The following CCDC18 variants were observed in gnomAD, a reference collection of about 807,000 sequenced individuals.
The protein encoded by CCDC18 is coiled-coil domain containing 18.
A neutral mutation model predicts 196.0 loss-of-function variants in CCDC18; 157 were observed. The ratio of observed to expected loss-of-function variants is 0.80; its 90% CI spans 0.70 to 0.91. The LOEUF (loss-of-function observed/expected upper bound fraction) is 0.91, where lower values mean the gene tolerates loss of function less well. CCDC18 is among the 40% of genes least tolerant of loss of function. The pLI is 0.00. For missense variants in CCDC18, 1,465 were observed against 1,611.6 expected (o/e 0.91, Z 1.56); for synonymous variants, 482 against 529.2 (o/e 0.91, Z 1.22).
chr1:93,210,775 T>A (rs896254562), intron 9 of CCDC18, 27 bp from the exon 10 acceptor site: 1 of 1,539,066 alleles, frequency 6.5e-7, no homozygotes. Flanking sequence ...TACATAAGTT[T>A]ACATATGTTT....
intron 21 of CCDC18, 132 bp from the exon 22 acceptor site, chr1:93,245,973 C>T: frequency 1.1e-5 from 5 of 462,362 alleles, no homozygotes; most frequent in South Asian, 1.2e-4. Context: ...TAAATTTGAC[C>T]CTTTCAATCT....
chr1:93,223,819 G>T (rs535487601), intron 16 of CCDC18, among the ~76,000 whole-genome samples: 4 of 151,610 alleles, frequency 2.6e-5, no homozygotes, highest in Middle Eastern at 3.4e-3. Context: ...GCCCTATCTG[G>T]TTGTCTCCAG....
Position 93,278,463 on chromosome 1 carries a change from G to T in CCDC18, c.4354G>T (p.Gly1452Ter). The change falls in exon 29 of 29, where the codon GGA becomes TGA. Residue 1452 changes from glycine to a stop codon, truncating the protein, a stop_gained and splice_region_variant. Coordinates refer to ENST00000690025, the MANE Select transcript of CCDC18 (RefSeq NM_001378204.1). LOFTEE classifies it high-confidence loss of function. The stretch of plus-strand genomic sequence containing the variant: ...AATCTATTATTTTGCATTATTCTAG[G>T]GAGAAAATGTGTAATTCAAAGAAGA... ...SMQTGAGLNQ[G>*]ENV 8.0e-7 allele frequency: 1 copy of T among 1,243,342 alleles called. No individual in the cohort carries two copies. The highest frequency in any genetic ancestry group is 1.1e-6 in the Non-Finnish European group (1 of 911,838). 77.0% of individuals were successfully genotyped at this position (1,243,342 alleles called of 1,614,324 possible).
chr1:93,217,294 G>A (rs1290120560), intron 13 of CCDC18, among the ~76,000 whole-genome samples: 1 of 151,858 alleles, frequency 6.6e-6, no homozygotes, highest in Non-Finnish European at 1.5e-5. Flanking sequence ...TATGCTTCTT[G>A]ATATTTAAAA....
upstream of CCDC18, chr1:93,180,599 A>G (rs766506162): frequency 7.3e-7 from 1 of 1,368,078 alleles, no homozygotes; most frequent in South Asian, 1.2e-5. Flanking sequence ...GGGCTCCGCT[A>G]GTGGGCTCGG....
chr1:93,228,136 C>G (rs1383317060), intron 17 of CCDC18, among the ~76,000 whole-genome samples: 1 of 151,864 alleles, frequency 6.6e-6, no homozygotes, highest in East Asian at 1.9e-4. Flanking sequence ...AGAAGCCAAA[C>G]AGTATACCAC....
At chr1:93,186,321 A>G in intron 3 of CCDC18, 24 bp from the exon 4 acceptor site, 1 of 1,595,552 alleles carries the variant, frequency 6.3e-7, no homozygotes, top group Non-Finnish European at 8.6e-7. Context: ...TTGAAAATAT[A>G]TTTGTTCTTT....
intron 11 of CCDC18, among the ~76,000 whole-genome samples, chr1:93,214,096 C>G (rs1209872721): frequency 6.6e-6 from 1 of 151,994 alleles, no homozygotes; most frequent in African/African-American, 2.4e-5. Context: ...CTCTGATAAC[C>G]CTCAGTAATT....
chr1:93,241,723 CA>C (rs35810581), intron 21 of CCDC18, among the ~76,000 whole-genome samples: 508 of 59,884 alleles, frequency 8.5e-3, no homozygotes, highest in Non-Finnish European at 0.012. Flanking sequence ...GACTCCATCT[CA>C]AAAAAAAAAA....
chr1:93,213,878 G>A (rs151026989), intron 11 of CCDC18, among the ~76,000 whole-genome samples: 81 of 152,286 alleles, frequency 5.3e-4, no homozygotes, highest in African/African-American at 1.7e-3. Context: ...AAATAGCCTA[G>A]AAAGTGAAAT....
intron 17 of CCDC18, among the ~76,000 whole-genome samples, chr1:93,227,957 CAAAAA>C (rs71586784): frequency 9.5e-6 from 1 of 105,170 alleles, no homozygotes. Context: ...GACCCTATCT[CAAAAA>C]AAAAAAAAAA....
At chr1:93,225,382 G>A (rs1239142689) in intron 16 of CCDC18, among the ~76,000 whole-genome samples, 1 of 152,150 alleles carries the variant, frequency 6.6e-6, no homozygotes, top group South Asian at 2.1e-4. Context: ...TTAAATTGCT[G>A]CCTTTCTGAA....
At chr1:93,182,694 T>G (rs1649937382) in intron 1 of CCDC18, among the ~76,000 whole-genome samples, 1 of 152,228 alleles carries the variant, frequency 6.6e-6, no homozygotes, top group Non-Finnish European at 1.5e-5. Context: ...TTCATTTCTA[T>G]GAGTTGACCT....
At chr1:93,186,815 C>T (rs936057449) in intron 4 of CCDC18, among the ~76,000 whole-genome samples, 7 of 151,942 alleles carry the variant, frequency 4.6e-5, no homozygotes, top group African/African-American at 1.7e-4. Context: ...TAAAATAACA[C>T]ATTGTCATTG....
At chr1:93,189,623 G>C (rs993523067) in intron 4 of CCDC18, among the ~76,000 whole-genome samples, 2 of 152,006 alleles carry the variant, frequency 1.3e-5, no homozygotes, top group Non-Finnish European at 2.9e-5. Context: ...CCACATTCAT[G>C]CAAACATTTG....
intron 12 of CCDC18, among the ~76,000 whole-genome samples, chr1:93,215,722 C>T (rs1424412623): frequency 6.6e-6 from 1 of 152,134 alleles, no homozygotes; most frequent in Admixed American, 6.5e-5. Flanking sequence ...TCCCAAAATG[C>T]TGGGATTACT....
intron 7 of CCDC18, among the ~76,000 whole-genome samples, chr1:93,204,883 T>C (rs1428154082): frequency 6.6e-6 from 1 of 152,118 alleles, no homozygotes; most frequent in Non-Finnish European, 1.5e-5. Context: ...AAGGGATTTT[T>C]AATAAGGTGA....
chr1:93,186,366 G>A lies in CCDC18; in HGVS notation c.325G>A (p.Val109Met). The A allele has an allele frequency of 5.0e-6, 8 of 1,610,824 alleles. No individual in the cohort carries two copies. Among genetic ancestry groups the A allele is most frequent in the Non-Finnish European group, 6.8e-6 (8 of 1,178,474 alleles). ...TCAGATGTTTTCATCTTCTGCCCCTGTGGATCAGGAGATTAAAAGCCTTCG... is the reference window on the plus strand; with the variant it reads ...TCAGATGTTTTCATCTTCTGCCCCTATGGATCAGGAGATTAAAAGCCTTCG... ...RDKMFSSSAPVDQEIKSLREK... is the reference protein window; with the variant it reads ...RDKMFSSSAPMDQEIKSLREK... The change falls in exon 4 of 29, where the codon GTG (valine) becomes ATG (methionine). Residue 109 changes from valine (V) to methionine (M), a missense_variant. Val to Met is a conservative substitution (Grantham distance 21). Coordinates refer to ENST00000690025, the MANE Select transcript of CCDC18 (RefSeq NM_001378204.1).
intron 9 of CCDC18, 23 bp downstream of exon 9, chr1:93,207,421 T>C: frequency 6.6e-7 from 1 of 1,505,076 alleles, no homozygotes. Context: ...GATTACGTAA[T>C]GGAAAAGAAG....
Sources: allele counts gnomAD v4.1 joint callset (sites outside exome capture counted in the v4.1 genomes callset), GRCh38; gene constraint gnomAD v4.1.1; transcripts MANE v1.5; gene names NCBI Gene and HGNC (gene_info 2026-07-23, HGNC 2026-07-21).